Variants in MAD1L1 observed in about 807,000 individuals in gnomAD.
The protein encoded by MAD1L1 is mitotic spindle assembly checkpoint protein MAD1.
MAD1L1 carries 95 observed loss-of-function variants against 96.9 expected under a neutral mutation model. The ratio of observed to expected loss-of-function variants is 0.98; its 90% CI spans 0.83 to 1.16. The LOEUF (loss-of-function observed/expected upper bound fraction) is 1.16, where lower values mean the gene tolerates loss of function less well. MAD1L1 is among the 50% of genes most tolerant of loss of function. MAD1L1 has a pLI of 0.00. For missense variants in MAD1L1, 1,007 were observed against 954.4 expected, an observed-to-expected ratio of 1.06 and a Z score of -0.73; for synonymous variants, 473 against 396.6, an observed-to-expected ratio of 1.19 and a Z score of -2.29.
chr7:1,820,721 C>G (rs1256593448), intron 18 of MAD1L1, among the ~76,000 whole-genome samples: 2 of 151,882 alleles, frequency 1.3e-5, no homozygotes, highest in Non-Finnish European at 2.9e-5. Context: ...CCAGCCTGGG[C>G]AACAGAGTGA....
chr7:2,078,567 G>A (rs1785489734), intron 11 of MAD1L1, among the ~76,000 whole-genome samples: 1 of 152,262 alleles, frequency 6.6e-6, no homozygotes, highest in Admixed American at 6.5e-5. Flanking sequence ...AGAAAGCAGA[G>A]GAGGCTGGCG....
chr7:2,155,059 G>A (rs1789758674), intron 10 of MAD1L1, among the ~76,000 whole-genome samples: 1 of 152,202 alleles, frequency 6.6e-6, no homozygotes, highest in East Asian at 1.9e-4. Context: ...GCACGGAGAA[G>A]CAGCACGGGA....
chr7:2,150,569 A>T (rs1789524840), intron 10 of MAD1L1, among the ~76,000 whole-genome samples: 1 of 151,822 alleles, frequency 6.6e-6, no homozygotes, highest in African/African-American at 2.4e-5. Context: ...GGCCACCCCC[A>T]CGCCCCTCGC....
chr7:1,831,385 G>C (rs1219949685), intron 18 of MAD1L1, among the ~76,000 whole-genome samples: 1 of 152,058 alleles, frequency 6.6e-6, no homozygotes, highest in Non-Finnish European at 1.5e-5. Context: ...CCACTGACCA[G>C]CCATCCCCCA....
At chr7:2,147,818 T>G (rs1018444210) in intron 11 of MAD1L1, among the ~76,000 whole-genome samples, 4 of 152,238 alleles carry the variant, frequency 2.6e-5, no homozygotes, top group Non-Finnish European at 5.9e-5. Context: ...ATGGGCAGCA[T>G]GCAGATGCGA....
At chr7:2,104,770 C>A (rs766631270) in intron 11 of MAD1L1, among the ~76,000 whole-genome samples, 6 of 152,146 alleles carry the variant, frequency 3.9e-5, no homozygotes, top group Non-Finnish European at 8.8e-5. Context: ...ACCTCACTGC[C>A]AAATCCCACT....
intron 18 of MAD1L1, among the ~76,000 whole-genome samples, chr7:1,889,801 T>C (rs1474681834): frequency 7.9e-5 from 12 of 152,200 alleles, no homozygotes; most frequent in Non-Finnish European, 1.2e-4. Flanking sequence ...TAAGCAAGCA[T>C]GGTGGCTCCA....
At chr7:1,928,127 C>G (rs1244491569) in intron 17 of MAD1L1, among the ~76,000 whole-genome samples, 1 of 151,366 alleles carries the variant, frequency 6.6e-6, no homozygotes, top group Non-Finnish European at 1.5e-5. Context: ...CTGCTCCCCA[C>G]GACCCGCCGG....
intron 16 of MAD1L1, among the ~76,000 whole-genome samples, chr7:1,939,102 G>T (rs1308536835): frequency 6.1e-5 from 7 of 115,338 alleles, no homozygotes; most frequent in Admixed American, 3.0e-4. Flanking sequence ...CACACACACG[G>T]GCCAGGGCCA....
intron 10 of MAD1L1, among the ~76,000 whole-genome samples, chr7:2,212,667 G>A (rs1406541534): frequency 1.3e-5 from 2 of 152,136 alleles, no homozygotes; most frequent in South Asian, 2.1e-4. Flanking sequence ...AGCTCCCTGC[G>A]GCTTCACCAG....
intron 10 of MAD1L1, among the ~76,000 whole-genome samples, chr7:2,181,017 A>G (rs1388971599): frequency 6.6e-6 from 1 of 152,184 alleles, no homozygotes; most frequent in Non-Finnish European, 1.5e-5. Flanking sequence ...ATCCTGACGG[A>G]CCTATCTTCA....
chr7:1,823,373 A>G (rs1166942297), intron 18 of MAD1L1, among the ~76,000 whole-genome samples: 1 of 152,196 alleles, frequency 6.6e-6, no homozygotes, highest in Non-Finnish European at 1.5e-5. Flanking sequence ...CACAATCCAC[A>G]GAATAAAATT....
intron 17 of MAD1L1, among the ~76,000 whole-genome samples, chr7:1,920,513 G>C (rs1160138028): frequency 6.6e-6 from 1 of 152,224 alleles, no homozygotes; most frequent in African/African-American, 2.4e-5. Flanking sequence ...GGAGCGGGGG[G>C]AACCCATCGC....
intron 11 of MAD1L1, among the ~76,000 whole-genome samples, chr7:2,133,055 C>T (rs992665120): frequency 1.3e-5 from 2 of 150,610 alleles, no homozygotes; most frequent in African/African-American, 4.9e-5. Context: ...ATTTTCAATG[C>T]TGAGCATCTC....
At chr7:2,109,593 C>T (rs1260244747) in intron 11 of MAD1L1, 1 of 152,210 alleles carries the variant, frequency 6.6e-6, no homozygotes, top group Non-Finnish European at 1.5e-5. Flanking sequence ...GAAGACTTCC[C>T]CACAATCCAA....
Position 2,056,961 on chromosome 7 carries a change from C to T in MAD1L1, c.1218+12233G>A, listed in dbSNP as rs184781392. 4.5e-3 allele frequency among the ~76,000 whole-genome samples: 687 copies of T among 152,360 alleles called. 6 individuals are homozygous for T. The highest frequency in any genetic ancestry group is 0.016 in the African/African-American group (660 of 41,588). On this transcript the variant is annotated intron_variant, in intron 12 of 18. Coordinates refer to ENST00000265854, the MANE Select transcript of MAD1L1 (RefSeq NM_001013836.2). ...CATTACCACAAACCAAGCCCCACCA[C>T]GGTCTAGCACGGCAGATGGACACAG...
intron 10 of MAD1L1, among the ~76,000 whole-genome samples, chr7:2,161,644 C>A (rs891042894): frequency 1.1e-4 from 16 of 151,966 alleles, no homozygotes; most frequent in African/African-American, 3.6e-4. Flanking sequence ...GGCCGACATC[C>A]CGTCTAGGAA....
chr7:1,838,551 T>G (rs1413986537), intron 18 of MAD1L1: 1 of 352,048 alleles, frequency 2.8e-6, no homozygotes, highest in Non-Finnish European at 5.9e-6. Flanking sequence ...CGTGAAAACC[T>G]TACGCTCAGC....
chr7:2,126,414 C>T (rs1373876152), intron 11 of MAD1L1, among the ~76,000 whole-genome samples: 1 of 152,200 alleles, frequency 6.6e-6, no homozygotes, highest in African/African-American at 2.4e-5. Flanking sequence ...GTGGACCAGA[C>T]CACTGGAGGC....
Sources: gnomAD v4.1 joint callset for allele counts (sites outside exome capture counted in the v4.1 genomes callset) on GRCh38, gnomAD v4.1.1 for gene constraint, MANE v1.5 for transcripts, NCBI Gene and HGNC (gene_info 2026-07-23, HGNC 2026-07-21) for gene names.